Variants in SIPA1 observed in about 807,000 individuals in gnomAD.
SIPA1 encodes the protein signal-induced proliferation-associated 1.
Under a neutral mutation model 88.1 loss-of-function variants are expected in SIPA1, and 51 were observed. The ratio of observed to expected loss-of-function variants is 0.58; its 90% CI spans 0.46 to 0.73. The LOEUF is 0.73. Ranked by LOEUF, SIPA1 falls within the 30% of genes least tolerant of loss-of-function variation. SIPA1 has a pLI of 0.00. For missense variants in SIPA1, 1,348 were observed against 1,467.6 expected (o/e 0.92, Z 1.33); for synonymous variants, 681 against 664.8 (o/e 1.02, Z -0.37).
chr11:65,641,254 T>G lies in SIPA1; in HGVS notation c.333T>G (p.Leu111=). 1 of 1,613,516 alleles carries G rather than the reference T, an allele frequency of 6.2e-7. No individual in the cohort carries two copies. Among genetic ancestry groups the G allele is most frequent in the Non-Finnish European group, 8.5e-7 (1 of 1,180,024 alleles). The change falls in exon 2 of 16, where the codon CTT becomes CTG. Residue 111 remains leucine (L), a synonymous_variant. Transcript: ENST00000534313. ...CAGAGCCTGCCTTCCCACCAGTGCT[T>G]GAGCCTCGATGGTTTGCCCACTATG... The part of the protein sequence containing the change: ...EEPEPAFPPV[L]EPRWFAHYDV...
chr11:65,645,325 C>T (rs939313991), intron 5 of SIPA1, among the ~76,000 whole-genome samples, 196 bp downstream of exon 5: 1 of 152,108 alleles, frequency 6.6e-6, no homozygotes, highest in African/African-American at 2.4e-5. Context: ...CCCTCAAGGC[C>T]CAAGTACCCT....
chr11:65,649,282 C>T lies in SIPA1; in HGVS notation c.2327C>T (p.Thr776Met), dbSNP rs199827399. 6.6e-4 allele frequency: 1,017 copies of T among 1,545,170 alleles called. 2 individuals are homozygous for T. The highest frequency in any genetic ancestry group is 8.3e-4 in the Non-Finnish European group (947 of 1,143,006). ...RPRRSFSELY[T>M]LSLQEPSRRG... ...CACAGGAGTTTTTCGGAGCTGTACA[C>T]GCTGTCGCTGCAGGAGCCTAGCCGG... The change falls in exon 10 of 16, where the codon ACG becomes ATG. Residue 776 changes from threonine (T) to methionine (M), a missense_variant. Transcript: ENST00000534313.
chr11:65,646,160 A>T lies in SIPA1; in HGVS notation c.1264-61A>T. 3.2e-6 allele frequency: 5 copies of T among 1,581,200 alleles called. No individual in the cohort carries two copies. ...TGGTGCCTTGGCTTTCTCCTGCCTGAATGAGGAGGGGTTTGGGGCACAGAA... is the reference window on the plus strand; with the variant it reads ...TGGTGCCTTGGCTTTCTCCTGCCTGTATGAGGAGGGGTTTGGGGCACAGAA... On this transcript the variant is annotated intron_variant, in intron 6 of 15. Transcript: ENST00000534313. This position sits in a 1 kb window ranked among gnomAD's most constrained non-coding sequence, Gnocchi z 7.5.
At chr11:65,649,505 C>T in intron 10 of SIPA1, 25 bp downstream of exon 10, 3 of 1,613,872 alleles carry the variant, frequency 1.9e-6, no homozygotes, top group Non-Finnish European at 2.5e-6. Flanking sequence ...CCTTCCCTCT[C>T]CTCCAGGCCT....
At chr11:65,640,295 G>A (rs1240677644) in intron 1 of SIPA1, 1 of 152,446 alleles carries the variant, frequency 6.6e-6, no homozygotes, top group African/African-American at 2.4e-5. Context: ...GTGTCCTTGT[G>A]GTATTGAGGC....
chr11:65,646,174 T>C lies in SIPA1; in HGVS notation c.1264-47T>C. 6.3e-7 allele frequency: 1 copy of C among 1,599,968 alleles called. No homozygotes were observed. The highest frequency in any genetic ancestry group is 2.2e-5 in the East Asian group (1 of 44,708). On this transcript the variant is annotated intron_variant, in intron 6 of 15. Coordinates refer to ENST00000534313, the MANE Select transcript of SIPA1 (RefSeq NM_006747.4). The surrounding 1 kb of genome is among the most constrained non-coding windows in gnomAD (Gnocchi z 7.5). ...TCTCCTGCCTGAATGAGGAGGGGTT[T>C]GGGGCACAGAAGACCTCATCACGAG... is the stretch of plus-strand genomic sequence containing the variant.
chr11:65,650,205 A>G lies in SIPA1; in HGVS notation c.2903+13A>G, dbSNP rs766401133. 2 of 1,612,006 alleles carry G rather than the reference A, an allele frequency of 1.2e-6. No individual in the cohort carries two copies. Among genetic ancestry groups the G allele is most frequent in the Admixed American group, 1.7e-5 (1 of 59,822 alleles). Reference sequence around the variant, plus strand: ...AATCTGATGCTGAGTAAGCTCCCCAACTCCCCACAGCCGCTTTACCTGCCC... The same window carrying G: ...AATCTGATGCTGAGTAAGCTCCCCAGCTCCCCACAGCCGCTTTACCTGCCC... On this transcript the variant is annotated intron_variant, in intron 14 of 15. Coordinates refer to ENST00000534313, the MANE Select transcript of SIPA1 (RefSeq NM_006747.4).
chr11:65,647,197 G>A (rs1856141529), intron 8 of SIPA1, 132 bp downstream of exon 8: 5 of 1,409,146 alleles, frequency 3.5e-6, no homozygotes, highest in South Asian at 1.6e-5. Flanking sequence ...CAGCCCCGGG[G>A]CTTGGCAAGG....
intron 9 of SIPA1, among the ~76,000 whole-genome samples, chr11:65,648,187 T>C (rs1856175164): frequency 6.6e-6 from 1 of 152,158 alleles, no homozygotes; most frequent in Non-Finnish European, 1.5e-5. Flanking sequence ...TATCTTCATA[T>C]GTAGAATGGG....
intron 9 of SIPA1, among the ~76,000 whole-genome samples, chr11:65,648,678 C>A (rs890124148): frequency 2.0e-5 from 3 of 151,802 alleles, no homozygotes; most frequent in Non-Finnish European, 2.9e-5. Flanking sequence ...AGTAAAAATA[C>A]AAAAATTAGC....
Position 65,640,918 on chromosome 11 carries a change from G to A in SIPA1, c.-4G>A, listed in dbSNP as rs774708167. 3.3e-6 allele frequency: 5 copies of A among 1,504,726 alleles called. No individual in the cohort carries two copies. In the African/African-American group the frequency reaches 5.5e-5, roughly 17 times the overall value. 93.2% of individuals were successfully genotyped at this position (1,504,726 alleles called of 1,614,324 possible). A position where few individuals can be genotyped will look rare whatever the true frequency, so the allele number is the denominator to read the frequency against. On this transcript the variant is annotated 5_prime_UTR_variant, in exon 2 of 16. Transcript: ENST00000534313. The stretch of plus-strand genomic sequence containing the variant: ...CAGCCCCCGGAGAGTCAGGCCCACA[G>A]AGCATGCCCATGTGGGCCGGCGGTG...
Position 65,647,654 on chromosome 11 carries a change from C to G in SIPA1, c.2302C>G (p.Arg768Gly). 1.5e-6 allele frequency: 2 copies of G among 1,364,224 alleles called. No individual in the cohort carries two copies. Among genetic ancestry groups the G allele is most frequent in the Non-Finnish European group, 1.9e-6 (2 of 1,061,846 alleles). The allele number at this position is 1,364,224 out of a possible 1,614,324, so 84.5% of individuals were successfully genotyped here. A position where few individuals can be genotyped will look rare whatever the true frequency, so the allele number is the denominator to read the frequency against. The change falls in exon 9 of 16, where the codon CGC becomes GGC. Residue 768 changes from arginine (R) to glycine (G), a missense_variant. This residue lies in a region of SIPA1 where 615 missense variants were observed against 559.8 expected (regional missense o/e 1.10). Coordinates refer to ENST00000534313, the MANE Select transcript of SIPA1 (RefSeq NM_006747.4). ...GCCCCCCGACGAGAGCGGCCGGCCCCGCAGGTCAGGGTGCCGGGGACGCGG... is the reference window on the plus strand; with the variant it reads ...GCCCCCCGACGAGAGCGGCCGGCCCGGCAGGTCAGGGTGCCGGGGACGCGG... ...VLPPDESGRP[R>G]RSFSELYTLS...
intron 4 of SIPA1, among the ~76,000 whole-genome samples, chr11:65,643,326 G>C (rs771843301): frequency 6.6e-6 from 1 of 152,238 alleles, no homozygotes; most frequent in Admixed American, 6.5e-5. Flanking sequence ...CACAGCCCCT[G>C]CTGGGTTTCC....
chr11:65,644,876 C>T (rs1342483694), intron 4 of SIPA1, 79 bp from the exon 5 acceptor site: 13 of 1,433,382 alleles, frequency 9.1e-6, no homozygotes, highest in South Asian at 2.6e-5. Flanking sequence ...CCCAGGCCAG[C>T]GTCCCATCCA....
chr11:65,643,901 C>G (rs1026697900), intron 4 of SIPA1, among the ~76,000 whole-genome samples: 1 of 152,168 alleles, frequency 6.6e-6, no homozygotes, highest in Non-Finnish European at 1.5e-5. Flanking sequence ...AGAGGGGCAG[C>G]TCTCTGGCTG....
Position 65,647,677 on chromosome 11 carries a change from C to A in SIPA1, c.2306+19C>A. The A allele has an allele frequency of 1.5e-6, 2 of 1,330,982 alleles. No homozygotes were observed. The highest frequency in any genetic ancestry group is 1.9e-6 in the Non-Finnish European group (2 of 1,043,512). 82.4% of individuals were successfully genotyped at this position (1,330,982 alleles called of 1,614,324 possible). On this transcript the variant is annotated intron_variant, in intron 9 of 15. Coordinates refer to ENST00000534313, the MANE Select transcript of SIPA1 (RefSeq NM_006747.4). ...CCCGCAGGTCAGGGTGCCGGGGACGCGGGGAGGTGGGAGGGCCGGCAGTTG... is the reference window on the plus strand; with the variant it reads ...CCCGCAGGTCAGGGTGCCGGGGACGAGGGGAGGTGGGAGGGCCGGCAGTTG...
In SIPA1 at chr11:65,642,901, C is replaced by CTTTATTTATTTATTTATTTA. The variant is rs145227969; in HGVS notation, c.984+274_984+293dup. On this transcript the variant is annotated intron_variant, in intron 4 of 15. Coordinates refer to ENST00000534313, the MANE Select transcript of SIPA1 (RefSeq NM_006747.4). This position sits in a 1 kb window ranked among gnomAD's most constrained non-coding sequence, Gnocchi z 6.5. ...CAGACCATCTGAATCAGAGTTTGCA[C>CTTTATTTATTTATTTATTTA]TTTATTTATTTATTTATTTATTTAT... 3.1e-3 allele frequency among the ~76,000 whole-genome samples: 453 copies of CTTTATTTATTTATTTATTTA among 146,960 alleles called. 4 individuals are homozygous for CTTTATTTATTTATTTATTTA. Among genetic ancestry groups the CTTTATTTATTTATTTATTTA allele is most frequent in the African/African-American group, 9.5e-3 (375 of 39,410 alleles).
intron 9 of SIPA1, 34 bp downstream of exon 9, chr11:65,647,692 G>C: frequency 7.6e-7 from 1 of 1,314,548 alleles, no homozygotes; most frequent in Non-Finnish European, 9.7e-7. Context: ...AGGTGGGAGG[G>C]CCGGCAGTTG....
At position 65,649,484 on chromosome 11, in the gene SIPA1, C is replaced by T. The variant is rs1856211238; in HGVS notation, c.2525+4C>T. 6.2e-7 allele frequency: 1 copy of T among 1,613,424 alleles called. No homozygotes were observed. Among genetic ancestry groups the T allele is most frequent in the African/African-American group, 1.3e-5 (1 of 74,920 alleles). ...AGAACTCGCTGTCACCACGCAGGTGCACACTCTTGGCCTTCCCTCTCCTCC... is the reference window on the plus strand; with the variant it reads ...AGAACTCGCTGTCACCACGCAGGTGTACACTCTTGGCCTTCCCTCTCCTCC... On this transcript the variant is annotated splice_donor_region_variant and intron_variant, in intron 10 of 15. Transcript: ENST00000534313.
Sources: gnomAD v4.1 joint callset for allele counts (sites outside exome capture counted in the v4.1 genomes callset) on GRCh38, gnomAD v4.1.1 for gene constraint, gnomAD v4.1.1 regional missense constraint, Gnocchi (gnomAD v3.1) non-coding constraint, MANE v1.5 for transcripts, NCBI Gene and HGNC (gene_info 2026-07-23, HGNC 2026-07-21) for gene names.